Variants in WNT8B observed in about 807,000 individuals in gnomAD.
The protein encoded by WNT8B is Wnt family member 8B.
In WNT8B, 24 loss-of-function variants were observed where a neutral mutation model predicts 36.6. The observed-to-expected ratio is 0.66, with a 90% CI of 0.48 to 0.92. WNT8B has a LOEUF of 0.92. Among genes scored for constraint, WNT8B ranks in the 40% least tolerant of loss-of-function variants. WNT8B has a pLI of 0.00. For synonymous variants in WNT8B, 199 were observed against 189.8 expected (o/e 1.05, Z -0.40); for missense variants, 402 against 470.8 (o/e 0.85, Z 1.35).
rs191625138 is a variant in WNT8B at position 100,467,589 on chromosome 10, C to T, written c.68+4353C>T. ...CTGTAGTCAGGTTCTTTAGGTTTATCGTATCACACTTTGAAGGTTCCATTA... is the reference window on the plus strand; with the variant it reads ...CTGTAGTCAGGTTCTTTAGGTTTATTGTATCACACTTTGAAGGTTCCATTA... On this transcript the variant is annotated intron_variant, in intron 1 of 5. Transcript: ENST00000343737. Among the ~76,000 whole-genome samples, 268 of 152,234 alleles carry T rather than the reference C, an allele frequency of 1.8e-3. 2 individuals are homozygous for T. Among genetic ancestry groups the T allele is most frequent in the Admixed American group, 4.8e-3 (73 of 15,288 alleles).
chr10:100,480,375 A>G (rs1157293410), intron 3 of WNT8B, among the ~76,000 whole-genome samples: 1 of 152,210 alleles, frequency 6.6e-6, no homozygotes, highest in East Asian at 1.9e-4. Context: ...GATACTGGGC[A>G]AGTGGAGAGT....
intron 1 of WNT8B, among the ~76,000 whole-genome samples, chr10:100,464,393 T>A (rs1850888933): frequency 6.6e-6 from 1 of 152,174 alleles, no homozygotes; most frequent in Admixed American, 6.5e-5. Flanking sequence ...CTCCCCCTCA[T>A]GAGAACAAAA....
chr10:100,463,283 T>C (rs767475174), intron 1 of WNT8B, 47 bp downstream of exon 1: 16 of 1,558,780 alleles, frequency 1.0e-5, no homozygotes, highest in Non-Finnish European at 1.4e-5. Flanking sequence ...GGTAAGTGTA[T>C]GTAATGTGTT....
At chr10:100,474,702 T>C (rs1304208935) in intron 1 of WNT8B, among the ~76,000 whole-genome samples, 1 of 151,896 alleles carries the variant, frequency 6.6e-6, no homozygotes, top group East Asian at 2.0e-4. Flanking sequence ...GTAGCTGGGA[T>C]TACAGGGGTG....
intron 1 of WNT8B, among the ~76,000 whole-genome samples, chr10:100,474,358 G>T (rs1851009974): frequency 6.6e-6 from 1 of 152,176 alleles, no homozygotes. Context: ...TTCAGTGTTT[G>T]TTAGCATCTT....
chr10:100,482,732 C>T lies in WNT8B; in HGVS notation c.972C>T (p.Cys324=). Residue 324 remains cysteine (C), a synonymous_variant, in exon 6 of 6, where the codon TGC becomes TGT. Coordinates refer to ENST00000343737, the MANE Select transcript of WNT8B (RefSeq NM_003393.4). The surrounding 1 kb of genome is among the most constrained non-coding windows in gnomAD (Gnocchi z 6.6). ...GCTGCGCAGTCCGCTGCGAGCAGTG[C>T]CGCCGGAGGGTCACCAAGTACTTCT... ...HWCCAVRCEQ[C]RRRVTKYFCS... is the part of the protein sequence containing the mutation. 6.2e-7 allele frequency: 1 copy of T among 1,606,442 alleles called. No individual in the cohort carries two copies. Among genetic ancestry groups the T allele is most frequent in the Admixed American group, 1.7e-5 (1 of 59,522 alleles).
chr10:100,472,978 C>A (rs1220534014), intron 1 of WNT8B, among the ~76,000 whole-genome samples: 1 of 152,212 alleles, frequency 6.6e-6, no homozygotes, highest in African/African-American at 2.4e-5. Context: ...TTCTCAAAAT[C>A]TTTTTGCAGT....
In WNT8B at chr10:100,482,355, C is replaced by A; in HGVS notation, c.595C>A (p.Pro199Thr). ...CACGCAGACCTGTTGGCTGCAGCTG[C>A]CCGAGTTCCGCGAGGTGGGCGCGCA... ...CTTQTCWLQL[P>T]EFREVGAHLK... The change falls in exon 6 of 6, where the codon CCC becomes ACC. Residue 199 changes from proline to threonine, a missense_variant. This residue lies in a region of WNT8B where 256 missense variants were observed against 278.6 expected (regional missense o/e 0.92). Transcript: ENST00000343737. This position sits in a 1 kb window ranked among gnomAD's most constrained non-coding sequence, Gnocchi z 6.6. 1 of 1,605,028 alleles carries A rather than the reference C, an allele frequency of 6.2e-7. No homozygotes were observed. The highest frequency in any genetic ancestry group is 8.5e-7 in the Non-Finnish European group (1 of 1,179,904).
At chr10:100,465,451 T>G (rs1005432210) in intron 1 of WNT8B, among the ~76,000 whole-genome samples, 1 of 152,188 alleles carries the variant, frequency 6.6e-6, no homozygotes, top group South Asian at 2.1e-4. Context: ...CTTACTCATC[T>G]GGAATGAGCA....
At chr10:100,477,319 G>C (rs983065863) in intron 1 of WNT8B, among the ~76,000 whole-genome samples, 3 of 150,748 alleles carry the variant, frequency 2.0e-5, no homozygotes, top group Admixed American at 1.3e-4. Context: ...TTTTATTTTT[G>C]AGTTGGAGTC....
intron 1 of WNT8B, among the ~76,000 whole-genome samples, chr10:100,463,921 TCATTTAGCTCTTGGAAA>T (rs1157304906): frequency 4.6e-5 from 7 of 152,196 alleles, no homozygotes; most frequent in African/African-American, 7.2e-5. Context: ...ATCACCATTC[TCATTTAGCTCTTGGAAA>T]CCACATAAAC....
At chr10:100,468,354 C>T (rs1293270548) in intron 1 of WNT8B, among the ~76,000 whole-genome samples, 1 of 152,164 alleles carries the variant, frequency 6.6e-6, no homozygotes, top group African/African-American at 2.4e-5. Context: ...TTGTTTCCAT[C>T]GATGCAACTG....
Position 100,476,375 on chromosome 10 carries a change from G to A in WNT8B, c.69-2677G>A, listed in dbSNP as rs529119394. 5.9e-5 allele frequency among the ~76,000 whole-genome samples: 9 copies of A among 152,068 alleles called. No individual in the cohort carries two copies. In the East Asian group the frequency reaches 1.7e-3, roughly 29 times the overall value. On this transcript the variant is annotated intron_variant, in intron 1 of 5. Coordinates refer to ENST00000343737, the MANE Select transcript of WNT8B (RefSeq NM_003393.4). ...ATTTTCTAAAATTCTATTACAACTC[G>A]TTTAGAATCTTTTTCATCTCATATG... is the stretch of plus-strand genomic sequence containing the variant.
Position 100,481,068 on chromosome 10 carries a change from C to T in WNT8B, c.312C>T (p.Cys104=). The change falls in exon 4 of 6, where the codon TGC becomes TGT. Residue 104 remains cysteine, a synonymous_variant. Transcript: ENST00000343737. ...AGVMYTLTRN[C]SLGDFDNCGC... Reference sequence around the variant, plus strand: ...TCATGTACACCCTGACTAGAAACTGCAGCCTTGGAGATTTTGATAACTGTG... The same window carrying T: ...TCATGTACACCCTGACTAGAAACTGTAGCCTTGGAGATTTTGATAACTGTG... The T allele has an allele frequency of 6.2e-7, 1 of 1,614,106 alleles. No homozygotes were observed. The highest frequency in any genetic ancestry group is 8.5e-7 in the Non-Finnish European group (1 of 1,180,008).
intron 1 of WNT8B, among the ~76,000 whole-genome samples, chr10:100,463,458 T>A (rs957822087): frequency 6.6e-6 from 1 of 152,196 alleles, no homozygotes; most frequent in Admixed American, 6.5e-5. Flanking sequence ...GGTTCCTATT[T>A]TTATAAATTG....
At position 100,481,984 on chromosome 10, in the gene WNT8B, T is replaced by A; in HGVS notation, c.440T>A (p.Val147Asp). Residue 147 changes from valine (V) to aspartate (D), a missense_variant, in exon 5 of 6, where the codon GTC becomes GAC. Coordinates refer to ENST00000343737, the MANE Select transcript of WNT8B (RefSeq NM_003393.4). ...GGAGAGGCGATTTCCAAGCAGTTTG[T>A]CGATGCCCTGGAAACAGGACAGGAT... Reference protein sequence around the residue: ...GFGEAISKQFVDALETGQDAR... With the variant: ...GFGEAISKQFDDALETGQDAR... The A allele has an allele frequency of 6.2e-7, 1 of 1,614,094 alleles. No homozygotes were observed. Among genetic ancestry groups the A allele is most frequent in the East Asian group, 2.2e-5 (1 of 44,860 alleles).
At chr10:100,480,057 G>T in intron 3 of WNT8B, 45 bp downstream of exon 3, 1 of 1,602,782 alleles carries the variant, frequency 6.2e-7, no homozygotes, top group Non-Finnish European at 8.5e-7. Context: ...TCTGGTCACA[G>T]GTTAGAGCCC....
intron 1 of WNT8B, among the ~76,000 whole-genome samples, chr10:100,467,282 T>G (rs1266762091): frequency 6.6e-6 from 1 of 152,170 alleles, no homozygotes; most frequent in African/African-American, 2.4e-5. Context: ...CATAAGGGGA[T>G]CATTTAAATT....
chr10:100,476,318 C>T (rs528174062), intron 1 of WNT8B, among the ~76,000 whole-genome samples: 14 of 151,848 alleles, frequency 9.2e-5, no homozygotes, highest in South Asian at 4.2e-4. Flanking sequence ...AAAAAATAGG[C>T]CTTAGTTTTG....
Sources: allele counts gnomAD v4.1 joint callset (sites outside exome capture counted in the v4.1 genomes callset), GRCh38; gene constraint gnomAD v4.1.1; regional missense constraint gnomAD v4.1.1; non-coding constraint Gnocchi (gnomAD v3.1); transcripts MANE v1.5; gene names NCBI Gene and HGNC (gene_info 2026-07-23, HGNC 2026-07-21).